The following ELAVL2 variants were observed in gnomAD, a reference collection of about 807,000 sequenced individuals.
ELAVL2 encodes ELAV-like protein 2.
A neutral mutation model predicts 34.6 loss-of-function variants in ELAVL2; 4 were observed. The observed-to-expected ratio is 0.12, with a 90% CI of 0.06 to 0.26. The LOEUF is 0.26. Ranked by LOEUF, ELAVL2 falls within the 10% of genes least tolerant of loss-of-function variation. ELAVL2 has a pLI of 1.00. For synonymous variants in ELAVL2, 193 were observed against 154.8 expected (o/e 1.25, Z -1.83); for missense variants, 432 against 442.8 (o/e 0.98, Z 0.22).
At chr9:23,703,706 T>C (rs1265420871) in intron 4 of ELAVL2, among the ~76,000 whole-genome samples, 1 of 152,136 alleles carries the variant, frequency 6.6e-6, no homozygotes, top group Non-Finnish European at 1.5e-5. Flanking sequence ...AATTAGACAT[T>C]GTAATATACA....
chr9:23,790,648 AG>A (rs2060220664), intron 1 of ELAVL2, among the ~76,000 whole-genome samples: 1 of 152,228 alleles, frequency 6.6e-6, no homozygotes, highest in South Asian at 2.1e-4. Flanking sequence ...CAGCCAAATT[AG>A]GCTGGAGCAA....
At chr9:23,698,127 G>C (rs1489698000) in intron 5 of ELAVL2, among the ~76,000 whole-genome samples, 1 of 152,080 alleles carries the variant, frequency 6.6e-6, no homozygotes, top group Non-Finnish European at 1.5e-5. Context: ...GCTCATAGAA[G>C]CAGGCACACA....
intron 1 of ELAVL2, among the ~76,000 whole-genome samples, chr9:23,805,572 T>C (rs1362122671): frequency 6.6e-6 from 1 of 152,220 alleles, no homozygotes; most frequent in African/African-American, 2.4e-5. Context: ...TACCTTGGGC[T>C]TGTGTGTGTA....
rs1302116369 is a variant in ELAVL2 at position 23,768,527 on chromosome 9, T to C, written c.-15-6278A>G. Among the ~76,000 whole-genome samples the C allele has an allele frequency of 2.6e-5, 4 of 152,112 alleles. No homozygotes were observed. In the South Asian group the frequency reaches 6.2e-4, roughly 24 times the overall value. ...TAATCATGAGTGGCTCTAACTTGTTTTTCTATCCCACCAAGTATTTCAAAC... is the reference window on the plus strand; with the variant it reads ...TAATCATGAGTGGCTCTAACTTGTTCTTCTATCCCACCAAGTATTTCAAAC... On this transcript the variant is annotated intron_variant, in intron 1 of 6. Transcript: ENST00000397312.
the ELAVL2 span, among the ~76,000 whole-genome samples, chr9:23,848,247 T>C: frequency 3.3e-5 from 5 of 152,184 alleles, no homozygotes; most frequent in Admixed American, 1.3e-4. Context: ...AGAACATTGC[T>C]AGCTTACTAC....
intron 2 of ELAVL2, chr9:23,735,704 A>T (rs994486538): frequency 6.6e-6 from 1 of 152,250 alleles, no homozygotes; most frequent in South Asian, 2.1e-4. Flanking sequence ...CATGCCACAG[A>T]AAAGAAACCC....
the ELAVL2 span, among the ~76,000 whole-genome samples, chr9:23,835,343 T>G: frequency 6.6e-6 from 1 of 152,108 alleles, no homozygotes; most frequent in African/African-American, 2.4e-5. Flanking sequence ...GGGAAGATTT[T>G]AAAGGTTATT....
intron 2 of ELAVL2, among the ~76,000 whole-genome samples, chr9:23,760,100 A>C (rs929140658): frequency 6.6e-6 from 1 of 151,960 alleles, no homozygotes; most frequent in Non-Finnish European, 1.5e-5. Flanking sequence ...AGGTGAAGAT[A>C]AAGAACTCAA....
intron 4 of ELAVL2, among the ~76,000 whole-genome samples, chr9:23,703,910 T>C (rs2038375891): frequency 6.6e-6 from 1 of 152,124 alleles, no homozygotes; most frequent in African/African-American, 2.4e-5. Flanking sequence ...AAAGAACAAG[T>C]ATTGCTTTCA....
intron 1 of ELAVL2, among the ~76,000 whole-genome samples, chr9:23,806,123 G>C (rs1303666826): frequency 6.6e-6 from 1 of 151,926 alleles, no homozygotes; most frequent in Non-Finnish European, 1.5e-5. Flanking sequence ...CCATCATATA[G>C]TAGTGATATC....
At chr9:23,719,031 T>C (rs1430943152) in intron 3 of ELAVL2, among the ~76,000 whole-genome samples, 1 of 152,206 alleles carries the variant, frequency 6.6e-6, no homozygotes. Flanking sequence ...ACCTTCACTG[T>C]ACGCAATAAA....
chr9:23,843,672 C>G, the ELAVL2 span, among the ~76,000 whole-genome samples: 1 of 151,906 alleles, frequency 6.6e-6, no homozygotes, highest in African/African-American at 2.4e-5. Context: ...CTTACACCCC[C>G]CTTTCTAATT....
rs558970050 is a variant in ELAVL2 at position 23,728,504 on chromosome 9, T to C, written c.333+2518A>G. Among the ~76,000 whole-genome samples the C allele has an allele frequency of 7.2e-5, 11 of 152,126 alleles. No individual in the cohort carries two copies. In the South Asian group the frequency reaches 2.3e-3, roughly 32 times the overall value. On this transcript the variant is annotated intron_variant, in intron 3 of 6. Transcript: ENST00000397312. ...ACTCCTACAAAACTCAGCCAGATGA[T>C]AGGGTAAAACAGTAGAGAAACACCA...
the ELAVL2 span, among the ~76,000 whole-genome samples, chr9:23,835,884 A>C: frequency 6.6e-6 from 1 of 152,194 alleles, no homozygotes; most frequent in Admixed American, 6.5e-5. Flanking sequence ...TTCAAGCTTC[A>C]ATAGGCGTCT....
At chr9:23,713,971 A>C (rs776781252) in intron 3 of ELAVL2, among the ~76,000 whole-genome samples, 4 of 152,178 alleles carry the variant, frequency 2.6e-5, no homozygotes, top group Non-Finnish European at 5.9e-5. Flanking sequence ...ATTTGATGTT[A>C]ATCACAGTAC....
intron 1 of ELAVL2, among the ~76,000 whole-genome samples, chr9:23,771,258 C>T (rs1241688773): frequency 1.3e-5 from 2 of 152,134 alleles, no homozygotes; most frequent in African/African-American, 4.8e-5. Context: ...TACATCAGTA[C>T]ACTGTTGAAA....
chr9:23,702,967 A>AAAAAAC (rs1554663930), intron 4 of ELAVL2, among the ~76,000 whole-genome samples: 3 of 143,550 alleles, frequency 2.1e-5, no homozygotes, highest in Non-Finnish European at 3.0e-5. Context: ...AAAAAAAAAA[A>AAAAAAC]AAAAAAAAAA....
In ELAVL2 at chr9:23,692,543, A is replaced by C. The variant is rs757911537; in HGVS notation, c.*14T>G. 1.2e-6 allele frequency: 2 copies of C among 1,603,534 alleles called. No individual in the cohort carries two copies. The highest frequency in any genetic ancestry group is 2.2e-5 in the East Asian group (1 of 44,666). On this transcript the variant is annotated 3_prime_UTR_variant, in exon 7 of 7. Coordinates refer to ENST00000397312, the MANE Select transcript of ELAVL2 (RefSeq NM_004432.5). Reference sequence around the variant, plus strand: ...ATAGTTTTCATATATAAATGGACTGAGGACAAGAGCTCATTAGGCTTTGTG... The same window carrying C: ...ATAGTTTTCATATATAAATGGACTGCGGACAAGAGCTCATTAGGCTTTGTG...
intron 1 of ELAVL2, among the ~76,000 whole-genome samples, chr9:23,771,115 A>T (rs2057229562): frequency 6.6e-6 from 1 of 152,216 alleles, no homozygotes; most frequent in East Asian, 1.9e-4. Flanking sequence ...TTGGAAACAG[A>T]CCAGTCAAGA....
Sources: gnomAD v4.1 joint callset for allele counts (sites outside exome capture counted in the v4.1 genomes callset) on GRCh38, gnomAD v4.1.1 for gene constraint, MANE v1.5 for transcripts, NCBI Gene and HGNC (gene_info 2026-07-23, HGNC 2026-07-21) for gene names.